Variants in ZC3H12B observed in about 807,000 individuals in gnomAD.
ZC3H12B encodes the protein probable ribonuclease ZC3H12B.
ZC3H12B carries 7 observed loss-of-function variants against 43.9 expected under a neutral mutation model. That is an observed-to-expected ratio of 0.16 (90% CI 0.09 to 0.30). The LOEUF (loss-of-function observed/expected upper bound fraction) is 0.30, where lower values mean the gene tolerates loss of function less well. Ranked by LOEUF, ZC3H12B falls within the 10% of genes least tolerant of loss-of-function variation. The pLI, the probability that ZC3H12B is intolerant of heterozygous loss-of-function variation, is 1.00. For missense variants in ZC3H12B, 475 were observed against 670.2 expected, an observed-to-expected ratio of 0.71 and a Z score of 3.22; for synonymous variants, 222 against 241.7, an observed-to-expected ratio of 0.92 and a Z score of 0.76.
the ZC3H12B span, among the ~76,000 whole-genome samples, chrX:65,132,238 G>A: frequency 2.7e-5 from 3 of 111,925 alleles, no homozygotes; most frequent in Non-Finnish European, 5.6e-5. Flanking sequence ...TGGTTGATAA[G>A]GTGCAGATCC....
the ZC3H12B span, among the ~76,000 whole-genome samples, chrX:65,045,438 A>G: frequency 0.028 from 3,128 of 112,016 alleles, 46 homozygotes; most frequent in Non-Finnish European, 0.041. Flanking sequence ...CATTTTCTCC[A>G]GCAGTAGATT....
the ZC3H12B span, among the ~76,000 whole-genome samples, chrX:65,061,043 A>G: frequency 8.9e-6 from 1 of 111,952 alleles, no homozygotes; most frequent in Admixed American, 9.5e-5. Flanking sequence ...TTTTCCAATT[A>G]TTTGGCATAT....
At chrX:65,119,951 G>A in the ZC3H12B span, among the ~76,000 whole-genome samples, 8 of 111,531 alleles carry the variant, frequency 7.2e-5, no homozygotes, top group Admixed American at 9.5e-5. Flanking sequence ...AAGATCAGAT[G>A]GTTGTAGATA....
chrX:65,249,445 G>C, the ZC3H12B span, among the ~76,000 whole-genome samples: 22 of 112,188 alleles, frequency 2.0e-4, no homozygotes, highest in Non-Finnish European at 4.1e-4. Context: ...GTAACATGCT[G>C]TTTTGGTGAC....
chrX:65,444,022 T>G (rs750399687), intron 3 of ZC3H12B, among the ~76,000 whole-genome samples: 19 of 112,571 alleles, frequency 1.7e-4, no homozygotes, highest in Middle Eastern at 4.6e-3. Flanking sequence ...TATTGATAAT[T>G]GAGAATTTAC....
intron 3 of ZC3H12B, among the ~76,000 whole-genome samples, chrX:65,451,036 C>A (rs1376666609): frequency 9.3e-6 from 1 of 107,841 alleles, no homozygotes; most frequent in African/African-American, 3.4e-5. Flanking sequence ...CAAGCTCCAC[C>A]TCCTGGGTTC....
chrX:65,184,953 C>T, the ZC3H12B span: 1 of 111,182 alleles, frequency 9.0e-6, no homozygotes, highest in African/African-American at 3.3e-5. Context: ...ATATTACTTT[C>T]TTCATTTATA....
the ZC3H12B span, among the ~76,000 whole-genome samples, chrX:65,244,727 C>CAAAAA: frequency 0.013 from 261 of 20,154 alleles, 1 homozygote; most frequent in Non-Finnish European, 0.018. Context: ...AATACCTTGC[C>CAAAAA]AAAAAAAAAA....
the ZC3H12B span, among the ~76,000 whole-genome samples, chrX:65,080,531 C>G: frequency 1.8e-5 from 2 of 110,824 alleles, no homozygotes; most frequent in Non-Finnish European, 1.9e-5. Context: ...TATCTGGCAG[C>G]AGACATTTCA....
At chrX:65,295,190 G>T in the ZC3H12B span, among the ~76,000 whole-genome samples, 1 of 110,966 alleles carries the variant, frequency 9.0e-6, no homozygotes, top group African/African-American at 3.3e-5. Context: ...TAAGAAAATT[G>T]AAATTATATT....
intron 3 of ZC3H12B, among the ~76,000 whole-genome samples, chrX:65,475,982 C>A (rs1179940387): frequency 1.8e-5 from 2 of 112,368 alleles, no homozygotes; most frequent in African/African-American, 6.5e-5. Flanking sequence ...GTAGAGGAAT[C>A]CACTGATAGT....
chrX:65,065,748 T>C, the ZC3H12B span, among the ~76,000 whole-genome samples: 1 of 111,384 alleles, frequency 9.0e-6, no homozygotes, highest in African/African-American at 3.3e-5. Flanking sequence ...TTCAACTTGG[T>C]TATATTCTCT....
the ZC3H12B span, among the ~76,000 whole-genome samples, chrX:65,231,460 A>G: frequency 1.2e-4 from 13 of 111,115 alleles, no homozygotes; most frequent in Non-Finnish European, 2.3e-4. Context: ...AGGGTACTTC[A>G]GGAGACCAGG....
chrX:65,424,966 A>G (rs972864909), intron 3 of ZC3H12B, among the ~76,000 whole-genome samples: 2 of 111,673 alleles, frequency 1.8e-5, no homozygotes, highest in East Asian at 5.6e-4. Flanking sequence ...TTGGTTCCAT[A>G]TGAATTTTAA....
chrX:65,132,483 A>G, the ZC3H12B span, among the ~76,000 whole-genome samples: 2 of 110,021 alleles, frequency 1.8e-5, no homozygotes, highest in Admixed American at 1.9e-4. Context: ...GGGGTGTCCC[A>G]TACTTGTGGA....
the ZC3H12B span, among the ~76,000 whole-genome samples, chrX:65,275,734 G>A: frequency 1.8e-5 from 2 of 112,378 alleles, no homozygotes; most frequent in South Asian, 3.7e-4. Flanking sequence ...AAAATTGGAA[G>A]AGACAACTTT....
the ZC3H12B span, among the ~76,000 whole-genome samples, chrX:65,307,142 A>G: frequency 1.8e-5 from 2 of 112,402 alleles, no homozygotes; most frequent in African/African-American, 3.2e-5. Flanking sequence ...TGTAGAGTGT[A>G]AATATTTAGT....
At chrX:65,284,255 A>C in the ZC3H12B span, among the ~76,000 whole-genome samples, 634 of 103,543 alleles carry the variant, frequency 6.1e-3, 7 homozygotes, top group African/African-American at 0.024. Flanking sequence ...CACACACAAA[A>C]AAAAAAAAAA....
At chrX:65,350,712 G>T in the ZC3H12B span, among the ~76,000 whole-genome samples, 1 of 111,417 alleles carries the variant, frequency 9.0e-6, no homozygotes, top group East Asian at 2.8e-4. Context: ...GTGAACTCCC[G>T]TTCACATTTG....
Sources: gnomAD v4.1 joint callset for allele counts (sites outside exome capture counted in the v4.1 genomes callset) on GRCh38, gnomAD v4.1.1 for gene constraint, MANE v1.5 for transcripts, NCBI Gene and HGNC (gene_info 2026-07-23, HGNC 2026-07-21) for gene names.